The following PLCB4 variants were observed in gnomAD, a reference collection of about 807,000 sequenced individuals.
PLCB4 encodes the protein phospholipase C beta 4, also known as 1-phosphatidylinositol 4,5-bisphosphate phosphodiesterase beta-4.
PLCB4 carries 77 observed loss-of-function variants against 178.8 expected under a neutral mutation model. The observed-to-expected ratio is 0.43, with a 90% CI of 0.36 to 0.52. The LOEUF (loss-of-function observed/expected upper bound fraction) is 0.52, where lower values mean the gene tolerates loss of function less well. Ranked by LOEUF, PLCB4 falls within the 20% of genes least tolerant of loss-of-function variation. The probability of loss-of-function intolerance (pLI) is 0.00; values close to 1 mark genes in which losing one functional copy is unlikely to be tolerated. For missense variants in PLCB4, 1,024 were observed against 1,453.4 expected (o/e 0.70, Z 4.80); for synonymous variants, 496 against 490.8 (o/e 1.01, Z -0.14).
At chr20:9,464,449 T>C (rs1017481384) in intron 35 of PLCB4, among the ~76,000 whole-genome samples, 9 of 152,010 alleles carry the variant, frequency 5.9e-5, no homozygotes, top group African/African-American at 1.9e-4. Context: ...CTGAAAGAGA[T>C]AGCGACACAA....
intron 2 of PLCB4, among the ~76,000 whole-genome samples, chr20:9,144,039 G>T (rs913867593): frequency 1.3e-5 from 2 of 152,154 alleles, no homozygotes; most frequent in Non-Finnish European, 2.9e-5. Context: ...GCATTTCCTT[G>T]AGAAGTCTTT....
chr20:9,232,238 C>T (rs2093941013), intron 3 of PLCB4, among the ~76,000 whole-genome samples: 1 of 152,046 alleles, frequency 6.6e-6, no homozygotes, highest in Non-Finnish European at 1.5e-5. Context: ...GATTGTGATG[C>T]CAGTTAGCAT....
intron 3 of PLCB4, among the ~76,000 whole-genome samples, chr20:9,301,494 T>C (rs897875949): frequency 6.6e-6 from 1 of 152,060 alleles, no homozygotes; most frequent in African/African-American, 2.4e-5. Flanking sequence ...GGTGGTCTGG[T>C]AATTCCTGAA....
chr20:9,457,367 G>A (rs746663978), intron 33 of PLCB4, 47 bp from the exon 34 acceptor site: 1 of 892,452 alleles, frequency 1.1e-6, no homozygotes, highest in Non-Finnish European at 1.9e-6. Flanking sequence ...CATGGGAATG[G>A]GAAAATATCT....
At chr20:9,397,069 C>G (rs2038646050) in intron 19 of PLCB4, among the ~76,000 whole-genome samples, 1 of 152,192 alleles carries the variant, frequency 6.6e-6, no homozygotes, top group Admixed American at 6.5e-5. Context: ...TTACCCAGAG[C>G]AGAGCTTCTT....
At chr20:9,234,679 G>A (rs1364497088) in intron 3 of PLCB4, among the ~76,000 whole-genome samples, 2 of 152,084 alleles carry the variant, frequency 1.3e-5, no homozygotes, top group Non-Finnish European at 2.9e-5. Flanking sequence ...ATTGTAATTC[G>A]ACTGGCCTGA....
At chr20:9,201,783 T>C (rs6086804) in intron 2 of PLCB4, among the ~76,000 whole-genome samples, 73,233 of 151,922 alleles carry the variant, frequency 0.48, 18,400 homozygotes, top group African/African-American at 0.63. Context: ...CCATGCATTG[T>C]TGGGAATGCA....
intron 2 of PLCB4, among the ~76,000 whole-genome samples, chr20:9,213,526 A>G (rs1412278329): frequency 6.6e-6 from 1 of 152,204 alleles, no homozygotes; most frequent in Non-Finnish European, 1.5e-5. Context: ...ATATTCTATT[A>G]TGTGAACGTA....
chr20:9,382,571 T>C (rs67180237), intron 13 of PLCB4, among the ~76,000 whole-genome samples: 19,017 of 152,102 alleles, frequency 0.13, 2,914 homozygotes, highest in African/African-American at 0.36. Flanking sequence ...CACGCATACA[T>C]CTGCATCAAG....
At chr20:9,239,467 CG>C (rs1180989330) in intron 3 of PLCB4, among the ~76,000 whole-genome samples, 1 of 152,064 alleles carries the variant, frequency 6.6e-6, no homozygotes, top group Non-Finnish European at 1.5e-5. Context: ...AAGAGAAAAA[CG>C]TAACAAATTT....
At chr20:9,161,803 T>A (rs1469043997) in intron 2 of PLCB4, among the ~76,000 whole-genome samples, 1 of 152,188 alleles carries the variant, frequency 6.6e-6, no homozygotes, top group Non-Finnish European at 1.5e-5. Flanking sequence ...GCTTTTTCAC[T>A]TTTTAGATTC....
intron 27 of PLCB4, among the ~76,000 whole-genome samples, chr20:9,422,854 C>G (rs1207155512): frequency 6.6e-6 from 1 of 152,194 alleles, no homozygotes; most frequent in Non-Finnish European, 1.5e-5. Context: ...ATGGTTTCTC[C>G]TCTTCATCTT....
chr20:9,312,668 A>G (rs931388939), intron 4 of PLCB4, among the ~76,000 whole-genome samples: 5 of 152,200 alleles, frequency 3.3e-5, no homozygotes, highest in African/African-American at 1.2e-4. Context: ...AGACTTAAAA[A>G]CACAAGCCTC....
chr20:9,457,429 C>A lies in PLCB4; in HGVS notation c.3012C>A (p.Leu1004=). Residue 1004 remains leucine (L), a synonymous_variant, in exon 34 of 40, where the codon CTC becomes CTA. Coordinates refer to ENST00000378473, the MANE Select transcript of PLCB4 (RefSeq NM_001377142.1). The part of the protein sequence containing the change: ...AMKKKGGSNC[L]EMKKETEIKI... ...CCATTTTCAGGGGAAGTAATTGTCT[C>A]GAAATGAAAAAAGAAACAGAAATCA... 1 of 1,539,908 alleles carries A rather than the reference C, an allele frequency of 6.5e-7. No homozygotes were observed. The highest frequency in any genetic ancestry group is 9.0e-7 in the Non-Finnish European group (1 of 1,112,698).
chr20:9,377,642 G>A (rs2036787231), intron 12 of PLCB4, among the ~76,000 whole-genome samples: 1 of 152,146 alleles, frequency 6.6e-6, no homozygotes, highest in South Asian at 2.1e-4. Context: ...TGCTGCGAAT[G>A]TAATTTTCAG....
At chr20:9,447,252 A>G (rs1440963483) in intron 32 of PLCB4, among the ~76,000 whole-genome samples, 2 of 152,172 alleles carry the variant, frequency 1.3e-5, no homozygotes, top group East Asian at 1.9e-4. Flanking sequence ...TTGGCTCACA[A>G]TTTTGTGCAT....
At chr20:9,119,804 C>G (rs758823116) in intron 2 of PLCB4, among the ~76,000 whole-genome samples, 1 of 152,176 alleles carries the variant, frequency 6.6e-6, no homozygotes, top group Non-Finnish European at 1.5e-5. Context: ...TGTAATGTTT[C>G]CTAAGGAGAT....
intron 3 of PLCB4, among the ~76,000 whole-genome samples, chr20:9,291,137 T>C (rs1407590953): frequency 6.6e-6 from 1 of 152,192 alleles, no homozygotes; most frequent in Non-Finnish European, 1.5e-5. Context: ...TTTTTAAAAA[T>C]GGTTAATTTA....
chr20:9,176,539 C>A (rs2093157885), intron 2 of PLCB4, among the ~76,000 whole-genome samples: 2 of 152,104 alleles, frequency 1.3e-5, no homozygotes, highest in South Asian at 4.1e-4. Flanking sequence ...ATGTTGATAT[C>A]TACTGCATAT....
Sources: gnomAD v4.1 joint callset for allele counts (sites outside exome capture counted in the v4.1 genomes callset) on GRCh38, gnomAD v4.1.1 for gene constraint, MANE v1.5 for transcripts, NCBI Gene and HGNC (gene_info 2026-07-23, HGNC 2026-07-21) for gene names.